MCHR2: variants seen among roughly 807,000 people sequenced by gnomAD.
MCHR2 encodes melanin concentrating hormone receptor 2, also known as melanin-concentrating hormone receptor 2.
MCHR2 carries 15 observed loss-of-function variants against 24.8 expected under a neutral mutation model. The observed-to-expected ratio is 0.60, with a 90% CI of 0.40 to 0.93. MCHR2 has a LOEUF of 0.93. Among genes scored for constraint, MCHR2 ranks in the 40% least tolerant of loss-of-function variants. The pLI is 0.00. For synonymous variants in MCHR2, 151 were observed against 147.6 expected (o/e 1.02, Z -0.17); for missense variants, 386 against 408.7 (o/e 0.94, Z 0.48).
At chr6:99,983,381 AAGCCATCTGAGCT>A (rs1288745428) in intron 1 of MCHR2, among the ~76,000 whole-genome samples, 3 of 152,288 alleles carry the variant, frequency 2.0e-5, no homozygotes, top group African/African-American at 4.8e-5. Flanking sequence ...AGGTCTCAAA[AAGCCATCTGAGCT>A]AGCAGAATAT....
intron 2 of MCHR2, among the ~76,000 whole-genome samples, chr6:99,953,793 T>A (rs1347599366): frequency 6.6e-6 from 1 of 152,132 alleles, no homozygotes; most frequent in African/African-American, 2.4e-5. Context: ...AAGAAAAATT[T>A]AAAATGCTTG....
chr6:99,991,517 C>G (rs1213631087), intron 1 of MCHR2, among the ~76,000 whole-genome samples: 2 of 152,088 alleles, frequency 1.3e-5, no homozygotes, highest in African/African-American at 2.4e-5. Flanking sequence ...TGAAATGAAG[C>G]ATCTGAGGCC....
At chr6:99,931,717 C>A (rs1414961015) in intron 5 of MCHR2, among the ~76,000 whole-genome samples, 3 of 152,116 alleles carry the variant, frequency 2.0e-5, no homozygotes, top group African/African-American at 7.2e-5. Context: ...TGGGAGTGAC[C>A]CGATTTTCCA....
chr6:99,930,074 A>G (rs1774478087), intron 5 of MCHR2, among the ~76,000 whole-genome samples: 1 of 151,260 alleles, frequency 6.6e-6, no homozygotes, highest in Non-Finnish European at 1.5e-5. Context: ...TCTGTAAAGT[A>G]TTTTATTTCT....
chr6:99,920,899 T>C lies in MCHR2; in HGVS notation c.*41A>G, dbSNP rs200713470. On this transcript the variant is annotated 3_prime_UTR_variant, in exon 6 of 6. Transcript: ENST00000281806. ...GCCCTTTCTGATAATACCAGTAAGA[T>C]AGACAATCATGTCTAGACTCATGGT... 295 of 1,579,544 alleles carry C rather than the reference T, an allele frequency of 1.9e-4. 4 individuals are homozygous for C. The South Asian group carries it at 2.0e-3, about 11-fold the overall frequency.
At chr6:99,943,647 C>T (rs1774821856) in intron 3 of MCHR2, among the ~76,000 whole-genome samples, 1 of 151,946 alleles carries the variant, frequency 6.6e-6, no homozygotes, top group Non-Finnish European at 1.5e-5. Flanking sequence ...CATCCATGTC[C>T]CTACAAAGGA....
intron 1 of MCHR2, among the ~76,000 whole-genome samples, chr6:99,983,666 T>C (rs754921051): frequency 6.6e-6 from 1 of 152,198 alleles, no homozygotes; most frequent in Non-Finnish European, 1.5e-5. Flanking sequence ...ACCAACATCA[T>C]TGCAAATTTC....
At chr6:99,930,011 G>A (rs1265548366) in intron 5 of MCHR2, among the ~76,000 whole-genome samples, 3 of 150,294 alleles carry the variant, frequency 2.0e-5, no homozygotes, top group Non-Finnish European at 4.4e-5. Flanking sequence ...GCTTCCTTCA[G>A]GAGCTCTTTT....
intron 1 of MCHR2, among the ~76,000 whole-genome samples, chr6:99,987,051 T>C (rs1199410725): frequency 1.3e-5 from 2 of 152,048 alleles, no homozygotes; most frequent in Non-Finnish European, 2.9e-5. Flanking sequence ...CATTTTAATG[T>C]TCTTATACTC....
chr6:99,971,276 G>A (rs7762646), intron 1 of MCHR2, among the ~76,000 whole-genome samples: 148,315 of 150,336 alleles, frequency 0.99, 73,182 homozygotes, highest in Middle Eastern at 1. Flanking sequence ...GGTCCTTCAT[G>A]TCCCTTGTAA....
intron 1 of MCHR2, among the ~76,000 whole-genome samples, chr6:99,970,643 ATG>A (rs1348155646): frequency 6.6e-6 from 1 of 152,158 alleles, no homozygotes; most frequent in African/African-American, 2.4e-5. Flanking sequence ...GCCCATGCCT[ATG>A]TCCTGAATGG....
intron 2 of MCHR2, among the ~76,000 whole-genome samples, chr6:99,953,245 G>T (rs1354026835): frequency 6.6e-6 from 1 of 152,144 alleles, no homozygotes; most frequent in Non-Finnish European, 1.5e-5. Context: ...ACACTGAAGA[G>T]GTTTTGCATA....
intron 5 of MCHR2, among the ~76,000 whole-genome samples, chr6:99,930,577 T>C (rs1774497333): frequency 7.1e-6 from 1 of 141,386 alleles, no homozygotes; most frequent in African/African-American, 2.5e-5. Context: ...TTTTGCTTCA[T>C]TTCATTCATT....
chr6:99,956,168 A>T lies in MCHR2; in HGVS notation c.-21T>A. 6.3e-7 allele frequency: 1 copy of T among 1,591,340 alleles called. No homozygotes were observed. The highest frequency in any genetic ancestry group is 8.6e-7 in the Non-Finnish European group (1 of 1,166,656). On this transcript the variant is annotated 5_prime_UTR_variant, in exon 2 of 6. Transcript: ENST00000281806. ...TTCATTGTTCGTGGACTTTCCAGGG[A>T]TTAAAGCTGTGAAGTAATAGGAAGT...
intron 5 of MCHR2, among the ~76,000 whole-genome samples, chr6:99,933,994 A>G (rs1329194079): frequency 6.6e-6 from 1 of 152,066 alleles, no homozygotes; most frequent in African/African-American, 2.4e-5. Flanking sequence ...AATATTAATG[A>G]GACTTTTCTC....
intron 1 of MCHR2, among the ~76,000 whole-genome samples, chr6:99,959,177 A>G (rs1775129159): frequency 6.6e-6 from 1 of 152,138 alleles, no homozygotes; most frequent in Admixed American, 6.6e-5. Flanking sequence ...TGGGAACAAA[A>G]AGAGTCAGAT....
rs147681795 is a variant in MCHR2, at chr6:99,920,625, T to C, written c.*315A>G. 1.9e-4 allele frequency: 51 copies of C among 261,768 alleles called. No individual in the cohort carries two copies. The East Asian group carries it at 4.2e-3, about 21-fold the overall frequency. 16.2% of individuals were successfully genotyped at this position (261,768 alleles called of 1,614,324 possible). ...CAAGGTCAGGTTCCTTGGTGAGTTT[T>C]GAGTCAATGGTCATGGATGGCCATT... On this transcript the variant is annotated 3_prime_UTR_variant, in exon 6 of 6. Transcript: ENST00000281806.
intron 1 of MCHR2, among the ~76,000 whole-genome samples, chr6:99,974,060 G>C (rs961568674): frequency 3.7e-4 from 56 of 152,268 alleles, no homozygotes; most frequent in African/African-American, 1.3e-3. Context: ...TTCTCGAGGA[G>C]TATCTTTGTG....
chr6:99,973,792 A>G (rs1313457297), intron 1 of MCHR2, among the ~76,000 whole-genome samples: 4 of 152,056 alleles, frequency 2.6e-5, no homozygotes, highest in Non-Finnish European at 2.9e-5. Flanking sequence ...CTTGTCTGTA[A>G]AGTATTTTAT....
Sources: allele counts gnomAD v4.1 joint callset (sites outside exome capture counted in the v4.1 genomes callset), GRCh38; gene constraint gnomAD v4.1.1; transcripts MANE v1.5; gene names NCBI Gene and HGNC (gene_info 2026-07-23, HGNC 2026-07-21).